Variants in SIPA1L2 observed in about 807,000 individuals in gnomAD.
SIPA1L2 encodes signal induced proliferation associated 1 like 2.
SIPA1L2 carries 56 observed loss-of-function variants against 163.9 expected under a neutral mutation model. The ratio of observed to expected loss-of-function variants is 0.34; its 90% CI spans 0.28 to 0.43. SIPA1L2 has a LOEUF of 0.43. SIPA1L2 is among the 20% of genes least tolerant of loss of function. SIPA1L2 has a pLI of 1.00. For synonymous variants in SIPA1L2, 877 were observed against 865.7 expected, an observed-to-expected ratio of 1.01 and a Z score of -0.23; for missense variants, 1,974 against 2,193.5, an observed-to-expected ratio of 0.90 and a Z score of 2.00.
chr1:232,567,722 G>A (rs1280245070), intron 2 of SIPA1L2, among the ~76,000 whole-genome samples: 6 of 152,270 alleles, frequency 3.9e-5, no homozygotes, highest in Non-Finnish European at 5.9e-5. Flanking sequence ...AATTTCCAGT[G>A]ACATCTTTTT....
intron 16 of SIPA1L2, among the ~76,000 whole-genome samples, chr1:232,431,240 C>T (rs1458887952): frequency 6.6e-6 from 1 of 152,192 alleles, no homozygotes; most frequent in East Asian, 1.9e-4. Context: ...TATCATTCTA[C>T]CATTTTCATT....
chr1:232,456,506 A>G (rs1663926976), intron 10 of SIPA1L2, among the ~76,000 whole-genome samples: 2 of 152,234 alleles, frequency 1.3e-5, no homozygotes, highest in South Asian at 4.1e-4. Flanking sequence ...AATCACAAAA[A>G]AACAGATGCA....
intron 3 of SIPA1L2, among the ~76,000 whole-genome samples, chr1:232,497,657 G>T (rs1447838893): frequency 6.6e-6 from 1 of 152,114 alleles, no homozygotes; most frequent in Non-Finnish European, 1.5e-5. Context: ...CTTGGCTGGG[G>T]CCCTCTACTC....
intron 18 of SIPA1L2, among the ~76,000 whole-genome samples, chr1:232,417,547 G>A (rs754290473): frequency 3.9e-4 from 60 of 152,246 alleles, no homozygotes; most frequent in African/African-American, 1.3e-3. Flanking sequence ...AGGAGGGCAC[G>A]CAGCACTCAC....
chr1:232,514,634 A>G lies in SIPA1L2; in HGVS notation c.706T>C (p.Cys236Arg). The G allele has an allele frequency of 1.9e-6, 3 of 1,614,226 alleles. No individual in the cohort carries two copies. Among genetic ancestry groups the G allele is most frequent in the Non-Finnish European group, 2.5e-6 (3 of 1,180,038 alleles). ...VPFGFPEFFR[C>R]DPAISPSLHA... ...AGGCTCGGAGAGATTGCAGGGTCAC[A>G]GCGGAAAAATTCAGGGAACCCAAAA... Residue 236 changes from cysteine to arginine, a missense_variant, in exon 3 of 23, where the codon TGT becomes CGT. Around this residue, in one of 3 missense-constraint regions of SIPA1L2, gnomAD observed 607 missense variants for 624.0 expected, o/e 0.97. Transcript: ENST00000674635.
intron 2 of SIPA1L2, among the ~76,000 whole-genome samples, chr1:232,573,139 G>A (rs1659893013): frequency 6.6e-6 from 1 of 151,898 alleles, no homozygotes; most frequent in Non-Finnish European, 1.5e-5. Flanking sequence ...GCACCAACAC[G>A]CATAAAAGAC....
intron 20 of SIPA1L2, 60 bp downstream of exon 20, chr1:232,404,065 T>A (rs2275306): frequency 0.072 from 113,845 of 1,584,532 alleles, 8,662 homozygotes; most frequent in East Asian, 0.48. Context: ...TGCAGACACA[T>A]GAAATATACA....
At chr1:232,403,663 T>C (rs1381923896) in intron 20 of SIPA1L2, 92 bp from the exon 21 acceptor site, 4 of 1,456,662 alleles carry the variant, frequency 2.7e-6, no homozygotes, top group East Asian at 2.3e-5. Flanking sequence ...AAATAAAATC[T>C]TTTCCCCCCT....
chr1:232,591,367 G>T (rs560414268), intron 1 of SIPA1L2, among the ~76,000 whole-genome samples: 43 of 152,360 alleles, frequency 2.8e-4, no homozygotes, highest in African/African-American at 1.0e-3. Flanking sequence ...GATCAGTCCT[G>T]TAAGGTTTGC....
At chr1:232,412,238 G>C (rs148589385) in intron 19 of SIPA1L2, among the ~76,000 whole-genome samples, 2 of 152,242 alleles carry the variant, frequency 1.3e-5, no homozygotes, top group East Asian at 3.9e-4. Flanking sequence ...TAGACTAATG[G>C]GGGAGAGGCA....
intron 7 of SIPA1L2, among the ~76,000 whole-genome samples, chr1:232,475,340 T>C (rs1050542351): frequency 1.2e-4 from 19 of 152,218 alleles, no homozygotes; most frequent in African/African-American, 3.9e-4. Flanking sequence ...ACCCAGAGGG[T>C]TGGCTTTTCC....
At position 232,629,911 on chromosome 1, in the gene SIPA1L2, G is replaced by C. The variant is rs11577683; in HGVS notation, c.-361C>G. 0.33 allele frequency among the ~76,000 whole-genome samples: 49,590 copies of C among 150,994 alleles called. 10,151 individuals carry two copies. The highest frequency in any genetic ancestry group is 0.45 in the Non-Finnish European group (30,325 of 67,420). Reference sequence around the variant, plus strand: ...CCGGAACCTGCTACAGCCTGTGCGCGCCGGGCGGCGCGTACCCGGGCTGCC... The same window carrying C: ...CCGGAACCTGCTACAGCCTGTGCGCCCCGGGCGGCGCGTACCCGGGCTGCC... On this transcript the variant is annotated 5_prime_UTR_variant, in exon 1 of 23. Transcript: ENST00000674635.
rs536483965 is a variant in SIPA1L2, at chr1:232,495,225, C to G, written c.1484-1565G>C. Among the ~76,000 whole-genome samples the G allele has an allele frequency of 1.0e-3, 153 of 152,206 alleles. 1 individual carries two copies. The highest frequency in any genetic ancestry group is 3.6e-3 in the African/African-American group (150 of 41,528). ...ATGGGATTAGTACTGACATTATTTC[C>G]CTTTAGAGTCAGGGGTAGAAGCAGC... On this transcript the variant is annotated intron_variant, in intron 3 of 22. Transcript: ENST00000674635.
At chr1:232,564,047 G>A (rs1659214853) in intron 2 of SIPA1L2, among the ~76,000 whole-genome samples, 1 of 129,498 alleles carries the variant, frequency 7.7e-6, no homozygotes, top group African/African-American at 3.6e-5. Context: ...GTGTGATCTT[G>A]GCTCGCTGCA....
intron 10 of SIPA1L2, among the ~76,000 whole-genome samples, chr1:232,457,447 G>A (rs1663985078): frequency 1.3e-5 from 2 of 152,082 alleles, no homozygotes; most frequent in Admixed American, 1.3e-4. Flanking sequence ...AAAAACTACT[G>A]TAAAAATGTA....
intron 1 of SIPA1L2, among the ~76,000 whole-genome samples, chr1:232,582,777 A>C (rs1660450851): frequency 6.6e-6 from 1 of 152,162 alleles, no homozygotes. Flanking sequence ...AACAGTGTAT[A>C]AGGGTTCCCA....
chr1:232,607,134 G>A (rs1031034587), intron 1 of SIPA1L2, among the ~76,000 whole-genome samples: 3 of 151,992 alleles, frequency 2.0e-5, no homozygotes, highest in African/African-American at 4.8e-5. Context: ...AAATTAATAT[G>A]TTCATTTTAG....
intron 10 of SIPA1L2, among the ~76,000 whole-genome samples, chr1:232,447,028 T>C (rs1211310049): frequency 6.6e-6 from 1 of 152,190 alleles, no homozygotes; most frequent in Non-Finnish European, 1.5e-5. Context: ...TTTTACGAAA[T>C]ATAAACAGCA....
intron 2 of SIPA1L2, among the ~76,000 whole-genome samples, chr1:232,547,172 C>T (rs1658078022): frequency 6.6e-6 from 1 of 152,158 alleles, no homozygotes; most frequent in Admixed American, 6.5e-5. Context: ...GAATATATCT[C>T]TCCAAATAAA....
Sources: gnomAD v4.1 joint callset for allele counts (sites outside exome capture counted in the v4.1 genomes callset) on GRCh38, gnomAD v4.1.1 for gene constraint, gnomAD v4.1.1 regional missense constraint, MANE v1.5 for transcripts, NCBI Gene and HGNC (gene_info 2026-07-23, HGNC 2026-07-21) for gene names.